EYS: variants seen among roughly 807,000 people sequenced by gnomAD.
The protein encoded by EYS is protein eyes shut homolog.
A neutral mutation model predicts 282.1 loss-of-function variants in EYS; 250 were observed. The ratio of observed to expected loss-of-function variants is 0.89; its 90% confidence interval spans 0.80 to 0.98. The LOEUF (loss-of-function observed/expected upper bound fraction) is 0.98. Among genes scored for constraint, EYS ranks in the 50% least tolerant of loss-of-function variants. The pLI is 0.00. For missense variants in EYS, 4,016 were observed against 3,709.0 expected (o/e 1.08, Z -2.15); for synonymous variants, 1,355 against 1,282.9 (o/e 1.06, Z -1.20).
At chr6:64,175,497 T>C (rs1413884710) in intron 31 of EYS, among the ~76,000 whole-genome samples, 1 of 152,190 alleles carries the variant, frequency 6.6e-6, no homozygotes, top group African/African-American at 2.4e-5. Context: ...CGTGAGAGCG[T>C]ACGTAAATTA....
At chr6:64,288,130 TA>T (rs1467342445) in intron 30 of EYS, among the ~76,000 whole-genome samples, 1 of 152,166 alleles carries the variant, frequency 6.6e-6, no homozygotes, top group Non-Finnish European at 1.5e-5. Flanking sequence ...TTGACAACTG[TA>T]AAAAGAAGTA....
In EYS at chr6:64,537,983, A is replaced by G. The variant is rs532031450; in HGVS notation, c.5644+52240T>C. ...GCTAACTAAAATATTGGCTTTAGCTACATAAGGTAAGACATTTAATAAGTG... is the reference window on the plus strand; with the variant it reads ...GCTAACTAAAATATTGGCTTTAGCTGCATAAGGTAAGACATTTAATAAGTG... On this transcript the variant is annotated intron_variant, in intron 26 of 42. Coordinates refer to ENST00000503581, the MANE Select transcript of EYS (RefSeq NM_001142800.2). Among the ~76,000 whole-genome samples the G allele has an allele frequency of 7.2e-5, 11 of 152,340 alleles. No individual in the cohort carries two copies. In the South Asian group the frequency reaches 1.2e-3, roughly 17 times the overall value.
intron 30 of EYS, among the ~76,000 whole-genome samples, chr6:64,284,213 T>G (rs1582533844): frequency 6.6e-6 from 1 of 152,274 alleles, no homozygotes; most frequent in East Asian, 1.9e-4. Flanking sequence ...CTAGGTTCAA[T>G]GGGGGTACAG....
At chr6:63,966,569 C>G (rs1320293697) in intron 35 of EYS, among the ~76,000 whole-genome samples, 1 of 152,172 alleles carries the variant, frequency 6.6e-6, no homozygotes, top group Non-Finnish European at 1.5e-5. Flanking sequence ...TTCAGTAGAA[C>G]ATGCCATAGG....
intron 36 of EYS, among the ~76,000 whole-genome samples, chr6:63,830,456 A>T (rs1260426812): frequency 6.6e-6 from 1 of 152,206 alleles, no homozygotes; most frequent in Non-Finnish European, 1.5e-5. Flanking sequence ...GATCAAGTGG[A>T]AGAAAGGGTA....
intron 22 of EYS, among the ~76,000 whole-genome samples, chr6:64,769,473 C>A (rs1434875145): frequency 6.6e-6 from 1 of 151,858 alleles, no homozygotes; most frequent in African/African-American, 2.4e-5. Flanking sequence ...ATTGCTTTCC[C>A]ATTACGCTAT....
At chr6:63,853,082 A>T (rs1219407832) in intron 36 of EYS, among the ~76,000 whole-genome samples, 1 of 152,232 alleles carries the variant, frequency 6.6e-6, no homozygotes, top group East Asian at 1.9e-4. Context: ...TAAGACAAGG[A>T]TGCCCTCTCT....
chr6:64,916,906 A>G (rs1768183836), intron 15 of EYS, among the ~76,000 whole-genome samples: 1 of 152,260 alleles, frequency 6.6e-6, no homozygotes, highest in Non-Finnish European at 1.5e-5. Flanking sequence ...GATTTAAAGT[A>G]CTAAAGCTGA....
At chr6:64,768,894 C>A (rs1773437062) in intron 22 of EYS, among the ~76,000 whole-genome samples, 1 of 152,018 alleles carries the variant, frequency 6.6e-6, no homozygotes, top group African/African-American at 2.4e-5. Flanking sequence ...CTTGTAGGGC[C>A]ATGACAAGGA....
intron 29 of EYS, among the ~76,000 whole-genome samples, chr6:64,337,516 C>G (rs545540130): frequency 2.8e-4 from 43 of 152,052 alleles, no homozygotes; most frequent in Non-Finnish European, 5.3e-4. Context: ...AATTCCAGGA[C>G]AAGATGGATT....
At chr6:63,811,342 A>G (rs937338373) in intron 36 of EYS, among the ~76,000 whole-genome samples, 2 of 152,202 alleles carry the variant, frequency 1.3e-5, no homozygotes, top group African/African-American at 4.8e-5. Flanking sequence ...TAGTGACCAC[A>G]GTCTTTCTAA....
At chr6:64,269,510 G>A (rs184612211) in intron 30 of EYS, among the ~76,000 whole-genome samples, 69 of 151,636 alleles carry the variant, frequency 4.6e-4, no homozygotes, top group African/African-American at 1.3e-3. Context: ...CCAACCAACC[G>A]ACTATTTCAC....
intron 19 of EYS, among the ~76,000 whole-genome samples, chr6:64,870,427 CA>C (rs200730166): frequency 0.068 from 7,648 of 111,858 alleles, 187 homozygotes; most frequent in African/African-American, 0.12. Context: ...CTCCCCCCTC[CA>C]AAAAAAAAAA....
chr6:64,716,807 A>C (rs1771414936), intron 22 of EYS, among the ~76,000 whole-genome samples: 1 of 152,114 alleles, frequency 6.6e-6, no homozygotes, highest in Non-Finnish European at 1.5e-5. Flanking sequence ...TTGTATTTTA[A>C]TGCAGGTTGC....
chr6:64,439,479 C>T, intron 26 of EYS, 127 bp from the exon 27 acceptor site: 1 of 539,480 alleles, frequency 1.9e-6, no homozygotes, highest in Non-Finnish European at 3.0e-6. Flanking sequence ...CTTTCAAGCC[C>T]AGGCACTTCT....
chr6:65,289,478 A>G (rs756264974), intron 12 of EYS, among the ~76,000 whole-genome samples: 33 of 151,262 alleles, frequency 2.2e-4, no homozygotes, highest in African/African-American at 7.5e-4. Context: ...ATATGTGGAT[A>G]TGTTATATTT....
In EYS at chr6:64,902,460, G is replaced by C; in HGVS notation, c.2682C>G (p.Cys894Trp). The C allele has an allele frequency of 6.5e-7, 1 of 1,535,532 alleles. No individual in the cohort carries two copies. Among genetic ancestry groups the C allele is most frequent in the Non-Finnish European group, 8.7e-7 (1 of 1,142,880 alleles). ...CATAATCCTGGCAGGAAAGGAAGAG[G>C]CAGTCTTTCACATCAATTTCACAGT... ...GKNCEIDVKD[C>W]LFLSCQDYGD... is the part of the protein sequence containing the mutation. The change falls in exon 17 of 43, where the codon TGC (cysteine) becomes TGG (tryptophan). Residue 894 changes from cysteine (C) to tryptophan (W), a missense_variant. By Grantham distance (215) the Cys-to-Trp change is radical. Coordinates refer to ENST00000503581, the MANE Select transcript of EYS (RefSeq NM_001142800.2).
At chr6:65,597,088 A>C (rs573056891) in intron 2 of EYS, among the ~76,000 whole-genome samples, 2 of 152,246 alleles carry the variant, frequency 1.3e-5, no homozygotes, top group South Asian at 4.1e-4. Context: ...TGCATCCCAA[A>C]CTGGTATTTT....
intron 15 of EYS, among the ~76,000 whole-genome samples, chr6:64,936,474 T>C (rs770115715): frequency 6.6e-6 from 1 of 151,416 alleles, no homozygotes; most frequent in Non-Finnish European, 1.5e-5. Context: ...GAAAAAAACG[T>C]ATCAATATTG....
Sources: allele counts gnomAD v4.1 joint callset (sites outside exome capture counted in the v4.1 genomes callset), GRCh38; gene constraint gnomAD v4.1.1; transcripts MANE v1.5; gene names NCBI Gene and HGNC (gene_info 2026-07-23, HGNC 2026-07-21).